The following B4GALT5 variants were observed in gnomAD, a reference collection of about 807,000 sequenced individuals.
The protein encoded by B4GALT5 is beta-1,4-galactosyltransferase 5, also known as UDP-Gal:beta-GlcNAc beta-1,4-galactosyltransferase 5.
Under a neutral mutation model 45.0 loss-of-function variants are expected in B4GALT5, and 11 were observed. That is an observed-to-expected ratio of 0.24 (90% confidence interval 0.15 to 0.40). The LOEUF (loss-of-function observed/expected upper bound fraction) is 0.40. B4GALT5 is among the 10% of genes least tolerant of loss of function. B4GALT5 has a pLI of 1.00. For synonymous variants in B4GALT5, 185 were observed against 182.9 expected (o/e 1.01, Z -0.09); for missense variants, 337 against 500.2 (o/e 0.67, Z 3.11).
intron 1 of B4GALT5, 89 bp downstream of exon 1, chr20:49,713,487 C>A: frequency 7.3e-7 from 1 of 1,362,138 alleles, no homozygotes; most frequent in Non-Finnish European, 1.0e-6. Flanking sequence ...GGCCGCCTCC[C>A]GGCCGGGGCC....
At chr20:49,665,419 A>T in intron 1 of B4GALT5, among the ~76,000 whole-genome samples, 1 of 17,076 alleles carries the variant, frequency 5.9e-5, no homozygotes, top group African/African-American at 2.5e-4. Flanking sequence ...TCTCTCAAAA[A>T]GGGGGGGTGG....
chr20:49,692,741 C>T (rs1024362026), intron 1 of B4GALT5, among the ~76,000 whole-genome samples: 6 of 152,146 alleles, frequency 3.9e-5, no homozygotes, highest in Admixed American at 2.6e-4. Flanking sequence ...TGCCTCTAGA[C>T]TACATTTAAC....
intron 1 of B4GALT5, among the ~76,000 whole-genome samples, chr20:49,666,285 G>A (rs1468311621): frequency 6.6e-6 from 1 of 152,144 alleles, no homozygotes; most frequent in Non-Finnish European, 1.5e-5. Flanking sequence ...ACATCTCCAT[G>A]GCATGTAGAG....
chr20:49,651,524 G>A (rs1256190425), intron 2 of B4GALT5, among the ~76,000 whole-genome samples: 1 of 152,064 alleles, frequency 6.6e-6, no homozygotes, highest in African/African-American at 2.4e-5. Context: ...GGGAGGCAGA[G>A]GTTGCAGCAA....
At chr20:49,694,016 T>C (rs901520657) in intron 1 of B4GALT5, among the ~76,000 whole-genome samples, 2 of 152,158 alleles carry the variant, frequency 1.3e-5, no homozygotes, top group Admixed American at 6.5e-5. Flanking sequence ...GCCACCTCAT[T>C]AGATTTACAA....
At chr20:49,641,846 A>AT (rs2085578138) in intron 5 of B4GALT5, among the ~76,000 whole-genome samples, 1 of 152,176 alleles carries the variant, frequency 6.6e-6, no homozygotes, top group African/African-American at 2.4e-5. Context: ...CCAAGTCAGT[A>AT]ATGTAAACAT....
At chr20:49,651,939 G>A (rs574130013) in intron 2 of B4GALT5, among the ~76,000 whole-genome samples, 1 of 149,938 alleles carries the variant, frequency 6.7e-6, no homozygotes, top group Admixed American at 6.7e-5. Flanking sequence ...ATTAGCCGGG[G>A]GTGGTGGCAC....
chr20:49,677,180 G>A (rs2085741558), intron 1 of B4GALT5, among the ~76,000 whole-genome samples: 1 of 152,054 alleles, frequency 6.6e-6, no homozygotes, highest in East Asian at 1.9e-4. Flanking sequence ...GGGAAACACA[G>A]TTGTCAATAA....
chr20:49,662,963 A>G (rs1160660791), intron 1 of B4GALT5, among the ~76,000 whole-genome samples: 1 of 152,256 alleles, frequency 6.6e-6, no homozygotes, highest in Non-Finnish European at 1.5e-5. Context: ...GTCCAAAACT[A>G]GAAAGAACTC....
Position 49,634,335 on chromosome 20 carries a change from T to A in B4GALT5, c.*1977A>T, listed in dbSNP as rs1984456426. On this transcript the variant is annotated 3_prime_UTR_variant, in exon 9 of 9. Transcript: ENST00000371711. ...ACACACACCCCTACACACACCCATG[T>A]AAACTATGAAAATCAAGGAAGTTGA... The A allele has an allele frequency of 6.6e-6, 1 of 152,166 alleles. No homozygotes were observed. Among genetic ancestry groups the A allele is most frequent in the Admixed American group, 6.6e-5 (1 of 15,234 alleles). 9.4% of individuals were successfully genotyped at this position (152,166 alleles called of 1,614,324 possible).
rs538851151 is a variant in B4GALT5, at chr20:49,700,820, G to A, written c.115+12756C>T. 2.6e-5 allele frequency among the ~76,000 whole-genome samples: 4 copies of A among 152,246 alleles called. No individual in the cohort carries two copies. In the East Asian group the frequency reaches 5.8e-4, roughly 22 times the overall value. Reference sequence around the variant, plus strand: ...ATTTCATCACGCCACTCAGAATGGTGCACAATTTAAAATTTGTGAAATGTT... The same window carrying A: ...ATTTCATCACGCCACTCAGAATGGTACACAATTTAAAATTTGTGAAATGTT... On this transcript the variant is annotated intron_variant, in intron 1 of 8. Coordinates refer to ENST00000371711, the MANE Select transcript of B4GALT5 (RefSeq NM_004776.4).
At chr20:49,684,484 A>G in intron 1 of B4GALT5, 3 of 491,348 alleles carry the variant, frequency 6.1e-6, no homozygotes, top group South Asian at 4.5e-5. Flanking sequence ...AATGGTGTGA[A>G]CCCAGGAGGC....
intron 1 of B4GALT5, among the ~76,000 whole-genome samples, chr20:49,694,839 T>TACAC (rs71339447): frequency 0.092 from 13,790 of 149,638 alleles, 824 homozygotes; most frequent in African/African-American, 0.17. Context: ...GACAGACAGA[T>TACAC]ACACACACAC....
intron 1 of B4GALT5, among the ~76,000 whole-genome samples, chr20:49,712,971 G>GT (rs1453511055): frequency 1.3e-5 from 2 of 151,590 alleles, no homozygotes; most frequent in African/African-American, 4.9e-5. Flanking sequence ...AGAGGTGAAC[G>GT]TGAGTTAGGG....
At chr20:49,670,223 A>G (rs1377909040) in intron 1 of B4GALT5, among the ~76,000 whole-genome samples, 1 of 152,226 alleles carries the variant, frequency 6.6e-6, no homozygotes, top group African/African-American at 2.4e-5. Context: ...CACCTTATGT[A>G]TAATATTTAG....
In B4GALT5 at chr20:49,633,563, T is replaced by A. The variant is rs1293198378; in HGVS notation, c.*2749A>T. The A allele has an allele frequency of 6.6e-6, 1 of 150,742 alleles. No homozygotes were observed. The highest frequency in any genetic ancestry group is 2.4e-5 in the African/African-American group (1 of 40,826). The allele number at this position is 150,742 out of a possible 1,614,324, so 9.3% of individuals were successfully genotyped here. A position where few individuals can be genotyped will look rare whatever the true frequency, so the allele number is the denominator to read the frequency against. On this transcript the variant is annotated 3_prime_UTR_variant, in exon 9 of 9. Transcript: ENST00000371711. The stretch of plus-strand genomic sequence containing the variant: ...GTGGACACATGACTGACAGTGCACA[T>A]CCAGAGATTCTACACTCATCAGACA...
intron 3 of B4GALT5, among the ~76,000 whole-genome samples, chr20:49,646,753 G>A (rs2085600634): frequency 6.6e-6 from 1 of 152,164 alleles, no homozygotes; most frequent in Non-Finnish European, 1.5e-5. Flanking sequence ...AGGGAAGAGT[G>A]AAAAAGTAGG....
intron 1 of B4GALT5, among the ~76,000 whole-genome samples, chr20:49,694,512 T>C (rs1213092436): frequency 1.3e-5 from 2 of 151,766 alleles, no homozygotes; most frequent in South Asian, 4.2e-4. Context: ...AAAAAGTAGC[T>C]ACTGGTCCTA....
At chr20:49,650,456 T>TA (rs141588605) in intron 2 of B4GALT5, among the ~76,000 whole-genome samples, 3,218 of 128,332 alleles carry the variant, frequency 0.025, 107 homozygotes, top group African/African-American at 0.078. Flanking sequence ...CCATCTCTGC[T>TA]AAAAAAAAAA....
Sources: gnomAD v4.1 joint callset for allele counts (sites outside exome capture counted in the v4.1 genomes callset) on GRCh38, gnomAD v4.1.1 for gene constraint, MANE v1.5 for transcripts, NCBI Gene and HGNC (gene_info 2026-07-23, HGNC 2026-07-21) for gene names.